The following OTUD7B variants were observed in gnomAD, a reference collection of about 807,000 sequenced individuals.
OTUD7B encodes OTU deubiquitinase 7B.
OTUD7B carries 34 observed loss-of-function variants against 82.2 expected under a neutral mutation model. The observed-to-expected ratio is 0.41, with a 90% CI of 0.31 to 0.55. The LOEUF (loss-of-function observed/expected upper bound fraction) is 0.55. OTUD7B is among the 20% of genes least tolerant of loss of function. The probability of loss-of-function intolerance (pLI) is 0.20; values close to 1 mark genes in which losing one functional copy is unlikely to be tolerated. For synonymous variants in OTUD7B, 398 were observed against 402.7 expected (o/e 0.99, Z 0.14); for missense variants, 944 against 1,062.1 (o/e 0.89, Z 1.55).
rs1464422221 is a variant in OTUD7B, at chr1:149,959,346, G to A, written c.845+338C>T. 3.3e-5 allele frequency among the ~76,000 whole-genome samples: 5 copies of A among 152,244 alleles called. No homozygotes were observed. The East Asian group carries it at 9.7e-4, about 29-fold the overall frequency. On this transcript the variant is annotated intron_variant, in intron 7 of 11. Transcript: ENST00000581312. ...CTTTCAAAGTGCTGAGATTACAGGT[G>A]TGAGACACCACACCCGGCCTGATAT...
At position 149,939,838 on chromosome 1, in the gene OTUD7B, A is replaced by C. The variant is rs1044338220; in HGVS notation, c.*4019T>G. On this transcript the variant is annotated 3_prime_UTR_variant, in exon 12 of 12. Transcript: ENST00000581312. ...CAGCCACCTGGGAGGCTGAGACAGG[A>C]GAATCACTTGAACCCAGGAGACGGT... 1 of 152,168 alleles carries C rather than the reference A, an allele frequency of 6.6e-6. No individual in the cohort carries two copies. The highest frequency in any genetic ancestry group is 1.5e-5 in the Non-Finnish European group (1 of 68,062). The allele number at this position is 152,168 out of a possible 1,614,324, so 9.4% of individuals were successfully genotyped here. A position where few individuals can be genotyped will look rare whatever the true frequency, so the allele number is the denominator to read the frequency against.
chr1:149,989,971 G>A (rs1651451711), intron 1 of OTUD7B, among the ~76,000 whole-genome samples: 1 of 152,086 alleles, frequency 6.6e-6, no homozygotes, highest in African/African-American at 2.4e-5. Flanking sequence ...ATTATTTACT[G>A]TCTTGTGATA....
chr1:150,002,004 C>T (rs1553784923), intron 1 of OTUD7B, among the ~76,000 whole-genome samples: 1 of 152,080 alleles, frequency 6.6e-6, no homozygotes. Context: ...CACTTTAAAA[C>T]CAAACAATTT....
At chr1:149,969,190 G>A (rs1021831562) in intron 3 of OTUD7B, among the ~76,000 whole-genome samples, 1 of 152,104 alleles carries the variant, frequency 6.6e-6, no homozygotes, top group Admixed American at 6.6e-5. Flanking sequence ...AGGTGAGGTG[G>A]TGCGTGCCCA....
chr1:150,033,177 G>A, the OTUD7B span, among the ~76,000 whole-genome samples: 7 of 151,942 alleles, frequency 4.6e-5, no homozygotes, highest in Admixed American at 6.6e-5. Flanking sequence ...GTCTGAATGC[G>A]TTTAAGACCT....
the OTUD7B span, among the ~76,000 whole-genome samples, chr1:150,026,673 T>C: frequency 6.6e-6 from 1 of 152,202 alleles, no homozygotes; most frequent in Admixed American, 6.5e-5. Flanking sequence ...CCAGGGCTAC[T>C]TAAGGCTATA....
intron 1 of OTUD7B, among the ~76,000 whole-genome samples, chr1:149,979,151 T>C (rs1325764690): frequency 6.6e-6 from 1 of 152,132 alleles, no homozygotes; most frequent in East Asian, 1.9e-4. Context: ...GTGTAGCATC[T>C]ATAATATGGT....
At chr1:149,957,574 G>T (rs1185549375) in intron 7 of OTUD7B, among the ~76,000 whole-genome samples, 2 of 152,196 alleles carry the variant, frequency 1.3e-5, no homozygotes, top group Non-Finnish European at 2.9e-5. Context: ...GTCAGACAGG[G>T]ACGTTTAAGT....
At chr1:149,946,184 G>A (rs1281191414) in intron 11 of OTUD7B, among the ~76,000 whole-genome samples, 7 of 151,848 alleles carry the variant, frequency 4.6e-5, no homozygotes, top group East Asian at 1.9e-4. Context: ...CCAACATGGC[G>A]AAACCCCATC....
intron 11 of OTUD7B, among the ~76,000 whole-genome samples, chr1:149,946,824 G>A (rs587631121): frequency 1.1e-3 from 163 of 150,494 alleles, no homozygotes; most frequent in African/African-American, 3.4e-3. Flanking sequence ...AGGCTGAGGC[G>A]GGCAGATCAT....
intron 9 of OTUD7B, 145 bp from the exon 10 acceptor site, chr1:149,949,228 C>T (rs1647998951): frequency 3.3e-6 from 2 of 615,082 alleles, no homozygotes; most frequent in Admixed American, 2.8e-5. Context: ...GGTATTAAAA[C>T]TAATTGGCTA....
At chr1:150,056,428 G>A in the OTUD7B span, among the ~76,000 whole-genome samples, 4 of 152,128 alleles carry the variant, frequency 2.6e-5, no homozygotes, top group Non-Finnish European at 4.4e-5. Flanking sequence ...ATTTGTTGAT[G>A]AGGAAACTTA....
chr1:150,036,917 C>T, the OTUD7B span, among the ~76,000 whole-genome samples: 1 of 152,116 alleles, frequency 6.6e-6, no homozygotes, highest in Admixed American at 6.5e-5. Flanking sequence ...TTGAATTATT[C>T]ATCTAGTAAG....
At position 150,006,045 on chromosome 1, in the gene OTUD7B, T is replaced by A. The variant is rs587745734; in HGVS notation, c.-67+4403A>T. On this transcript the variant is annotated intron_variant, in intron 1 of 11. Coordinates refer to ENST00000581312, the MANE Select transcript of OTUD7B (RefSeq NM_020205.4). ...TAAGGCCAAATCTTTAATGCAAGAA[T>A]GACTGTTCTTCATCATCAGTGTACT... 2.6e-5 allele frequency among the ~76,000 whole-genome samples: 4 copies of A among 152,368 alleles called. No individual in the cohort carries two copies. In the East Asian group the frequency reaches 7.7e-4, roughly 29 times the overall value.
chr1:149,979,098 G>A (rs587619489), intron 1 of OTUD7B, among the ~76,000 whole-genome samples: 8 of 151,758 alleles, frequency 5.3e-5, no homozygotes, highest in African/African-American at 1.9e-4. Flanking sequence ...AGATCCATGA[G>A]CGCAGGGACA....
chr1:150,020,334 G>C, the OTUD7B span, among the ~76,000 whole-genome samples: 1 of 152,038 alleles, frequency 6.6e-6, no homozygotes, highest in East Asian at 1.9e-4. Context: ...TCAGGAGTTC[G>C]AGACCAGCCT....
At chr1:150,010,209 A>AG (rs199938270) in intron 1 of OTUD7B, among the ~76,000 whole-genome samples, 1,944 of 152,246 alleles carry the variant, frequency 0.013, 47 homozygotes, top group African/African-American at 0.045. Context: ...GGAGGCCGGG[A>AG]GCTGGAGAGC....
chr1:150,021,641 T>C, the OTUD7B span, among the ~76,000 whole-genome samples: 8 of 152,252 alleles, frequency 5.3e-5, no homozygotes, highest in African/African-American at 2.4e-5. Flanking sequence ...TAAGTCCGCA[T>C]TGGATTTAAT....
chr1:149,954,144 T>C (rs1480093203), intron 7 of OTUD7B, among the ~76,000 whole-genome samples: 11 of 152,234 alleles, frequency 7.2e-5, no homozygotes, highest in African/African-American at 2.7e-4. Context: ...AAGGAATGCT[T>C]CCAGTTTCTG....
Sources: gnomAD v4.1 joint callset for allele counts (sites outside exome capture counted in the v4.1 genomes callset) on GRCh38, gnomAD v4.1.1 for gene constraint, MANE v1.5 for transcripts, NCBI Gene and HGNC (gene_info 2026-07-23, HGNC 2026-07-21) for gene names.